ZNRF3: variants seen among roughly 807,000 people sequenced by gnomAD.
ZNRF3 encodes E3 ubiquitin-protein ligase ZNRF3.
Under a neutral mutation model 72.5 loss-of-function variants are expected in ZNRF3, and 23 were observed. That is an observed-to-expected ratio of 0.32 (90% confidence interval 0.23 to 0.45). The LOEUF is 0.45. Among genes scored for constraint, ZNRF3 ranks in the 20% least tolerant of loss-of-function variants. The probability of loss-of-function intolerance (pLI) is 1.00; values close to 1 mark genes in which losing one functional copy is unlikely to be tolerated. For missense variants in ZNRF3, 1,169 were observed against 1,272.1 expected (o/e 0.92, Z 1.23); for synonymous variants, 610 against 545.3 (o/e 1.12, Z -1.65).
intron 1 of ZNRF3, among the ~76,000 whole-genome samples, chr22:28,974,176 T>A (rs982994843): frequency 6.6e-6 from 1 of 152,078 alleles, no homozygotes; most frequent in Admixed American, 6.5e-5. Context: ...TTAGCCAGGA[T>A]GGTCTCGATC....
intron 2 of ZNRF3, among the ~76,000 whole-genome samples, chr22:29,015,398 G>A (rs113511441): frequency 6.6e-5 from 10 of 152,242 alleles, no homozygotes; most frequent in South Asian, 2.1e-4. Flanking sequence ...GGCTGGGCAC[G>A]GTGGCTCATG....
chr22:29,029,023 C>T (rs2036696684), intron 2 of ZNRF3, among the ~76,000 whole-genome samples: 1 of 152,212 alleles, frequency 6.6e-6, no homozygotes, highest in Admixed American at 6.5e-5. Context: ...GCACAGTGCA[C>T]TGGCAGCATG....
chr22:29,036,878 TAAAG>T (rs1020183348), intron 2 of ZNRF3, among the ~76,000 whole-genome samples: 6 of 152,050 alleles, frequency 3.9e-5, no homozygotes, highest in African/African-American at 7.3e-5. Context: ...AAGCTTATGA[TAAAG>T]AAAAAAAGCC....
At chr22:29,008,928 G>GGT in intron 2 of ZNRF3, among the ~76,000 whole-genome samples, 1 of 152,284 alleles carries the variant, frequency 6.6e-6, no homozygotes, top group Admixed American at 6.5e-5. Flanking sequence ...TGTAATTTAA[G>GGT]GTGTGGACAT....
At chr22:29,013,218 T>TC (rs2036374667) in intron 2 of ZNRF3, among the ~76,000 whole-genome samples, 1 of 152,208 alleles carries the variant, frequency 6.6e-6, no homozygotes, top group Non-Finnish European at 1.5e-5. Context: ...CCAAGATGTT[T>TC]CTTTTTCAGC....
At chr22:29,004,337 C>G (rs1200066171) in intron 2 of ZNRF3, among the ~76,000 whole-genome samples, 2 of 152,212 alleles carry the variant, frequency 1.3e-5, no homozygotes, top group Non-Finnish European at 2.9e-5. Flanking sequence ...GTAGATTTTT[C>G]TCTCCCGTTA....
chr22:28,968,241 A>G (rs943922847), intron 1 of ZNRF3, among the ~76,000 whole-genome samples: 40 of 152,218 alleles, frequency 2.6e-4, no homozygotes, highest in African/African-American at 9.4e-4. Context: ...TTGGATTATC[A>G]TTTAAAATTT....
intron 1 of ZNRF3, among the ~76,000 whole-genome samples, chr22:28,960,340 G>A (rs75301657): frequency 6.6e-6 from 1 of 152,102 alleles, no homozygotes; most frequent in Non-Finnish European, 1.5e-5. Flanking sequence ...GAGTCCCTTT[G>A]TGAGACCCAA....
At chr22:28,933,057 C>T (rs753305981) in intron 1 of ZNRF3, among the ~76,000 whole-genome samples, 3 of 152,190 alleles carry the variant, frequency 2.0e-5, no homozygotes, top group Non-Finnish European at 4.4e-5. Flanking sequence ...GCCAAATCTT[C>T]CAAAGTACAT....
intron 1 of ZNRF3, among the ~76,000 whole-genome samples, chr22:28,893,964 G>A (rs1455019487): frequency 2.7e-5 from 4 of 150,918 alleles, no homozygotes; most frequent in East Asian, 2.0e-4. Flanking sequence ...AGCCCTGCTC[G>A]CAACAGATAG....
chr22:28,937,209 ATATATATTTTTTTTTTTTT>A (rs1205135822), intron 1 of ZNRF3, among the ~76,000 whole-genome samples: 29 of 2,688 alleles, frequency 0.011, no homozygotes, highest in Non-Finnish European at 0.049. Flanking sequence ...ATATATATAT[ATATATATTTTTTTTTTTTT>A]TTTTTTTTTT....
At chr22:28,935,767 A>G (rs1014785070) in intron 1 of ZNRF3, among the ~76,000 whole-genome samples, 2 of 152,178 alleles carry the variant, frequency 1.3e-5, no homozygotes, top group Non-Finnish European at 2.9e-5. Flanking sequence ...ATTTTCTTAA[A>G]TCTGATGTAG....
intron 1 of ZNRF3, among the ~76,000 whole-genome samples, chr22:28,896,913 T>C (rs1018806645): frequency 3.9e-5 from 6 of 152,130 alleles, no homozygotes; most frequent in Non-Finnish European, 5.9e-5. Context: ...CTGTCTCTCA[T>C]TCTCTCTCTT....
intron 1 of ZNRF3, among the ~76,000 whole-genome samples, chr22:28,956,951 G>C (rs975976855): frequency 6.6e-6 from 1 of 152,226 alleles, no homozygotes; most frequent in Admixed American, 6.5e-5. Flanking sequence ...GGGCCACCAG[G>C]AGTCTTGGCT....
intron 2 of ZNRF3, chr22:29,026,726 G>A (rs2036643679): frequency 6.6e-6 from 1 of 152,154 alleles, no homozygotes; most frequent in Non-Finnish European, 1.5e-5. Context: ...GCCCATGGCT[G>A]TGTCCACCCA....
chr22:28,970,062 A>G (rs1034361820), intron 1 of ZNRF3, among the ~76,000 whole-genome samples: 1 of 152,238 alleles, frequency 6.6e-6, no homozygotes, highest in African/African-American at 2.4e-5. Flanking sequence ...GTTTTAAACA[A>G]TGAAATGAAA....
intron 5 of ZNRF3, among the ~76,000 whole-genome samples, chr22:29,045,996 T>C (rs2037061354): frequency 2.0e-5 from 3 of 152,194 alleles, no homozygotes; most frequent in Admixed American, 2.0e-4. Context: ...GGAAGCCTGA[T>C]AGAAATGCAG....
intron 1 of ZNRF3, among the ~76,000 whole-genome samples, chr22:28,937,208 TATATATA>T (rs1435194187): frequency 0.014 from 58 of 4,208 alleles, no homozygotes; most frequent in East Asian, 0.059. Context: ...TATATATATA[TATATATA>T]TTTTTTTTTT....
At chr22:29,051,392 CCT>C (rs1569299034) in intron 8 of ZNRF3, among the ~76,000 whole-genome samples, 1 of 152,048 alleles carries the variant, frequency 6.6e-6, no homozygotes, top group Non-Finnish European at 1.5e-5. Context: ...GTTCATGACT[CCT>C]CATGGCTGGG....
Sources: gnomAD v4.1 joint callset for allele counts (sites outside exome capture counted in the v4.1 genomes callset) on GRCh38, gnomAD v4.1.1 for gene constraint, MANE v1.5 for transcripts, NCBI Gene and HGNC (gene_info 2026-07-23, HGNC 2026-07-21) for gene names.